The following TMPRSS3 variants were observed in gnomAD, a reference collection of about 807,000 sequenced individuals.
The protein encoded by TMPRSS3 is transmembrane serine protease 3, also known as transmembrane protease serine 3.
Under a neutral mutation model 59.6 loss-of-function variants are expected in TMPRSS3, and 55 were observed. The observed-to-expected ratio is 0.92, with a 90% confidence interval of 0.74 to 1.16. The LOEUF (loss-of-function observed/expected upper bound fraction) is 1.16, where lower values mean the gene tolerates loss of function less well. Among genes scored for constraint, TMPRSS3 ranks in the 50% most tolerant of loss-of-function variants. The pLI, the probability that TMPRSS3 is intolerant of heterozygous loss-of-function variation, is 0.00. For missense variants in TMPRSS3, 596 were observed against 579.4 expected (o/e 1.03, Z -0.29); for synonymous variants, 257 against 237.7 (o/e 1.08, Z -0.75).
Position 42,381,867 on chromosome 21 carries a change from A to G in TMPRSS3, c.952+198T>C, listed in dbSNP as rs77536616. On this transcript the variant is annotated intron_variant, in intron 9 of 12. Transcript: ENST00000644384. ...GATACAATTGAAAATCACTTGTCAT[A>G]CCAAGAGCTAGGAGCATCACAATTT... The G allele has an allele frequency of 4.7e-3, 3,540 of 747,386 alleles. 92 individuals carry two copies. The African/African-American group carries it at 0.052, about 11-fold the overall frequency. 46.3% of individuals were successfully genotyped at this position (747,386 alleles called of 1,614,324 possible).
In TMPRSS3 at chr21:42,380,594, T is replaced by C. The variant is rs2052510720; in HGVS notation, c.953-382A>G. On this transcript the variant is annotated intron_variant, in intron 9 of 12. Coordinates refer to ENST00000644384, the MANE Select transcript of TMPRSS3 (RefSeq NM_001256317.3). ...ATAGGTGTGGCTGTGTCCAGTAAAATGTCTATTTACCAAAACACGATGGGG... is the reference window on the plus strand; with the variant it reads ...ATAGGTGTGGCTGTGTCCAGTAAAACGTCTATTTACCAAAACACGATGGGG... Among the ~76,000 whole-genome samples, 4 of 152,302 alleles carry C rather than the reference T, an allele frequency of 2.6e-5. No individual in the cohort carries two copies. In the South Asian group the frequency reaches 8.3e-4, roughly 32 times the overall value.
At chr21:42,395,491 G>A (rs1568894486) in intron 1 of TMPRSS3, 23 bp from the exon 2 acceptor site, 4 of 1,285,832 alleles carry the variant, frequency 3.1e-6, no homozygotes, top group Non-Finnish European at 4.5e-6. Context: ...AGAACAGAAA[G>A]CATTTGTTCC....
chr21:42,383,314 C>T (rs1039284361), intron 7 of TMPRSS3, 116 bp from the exon 8 acceptor site: 1 of 1,105,572 alleles, frequency 9.0e-7, no homozygotes, highest in African/African-American at 1.5e-5. Context: ...GCTCCCAGAG[C>T]TCACAGCAGC....
intron 11 of TMPRSS3, among the ~76,000 whole-genome samples, 186 bp downstream of exon 11, chr21:42,376,355 C>T (rs994808105): frequency 1.4e-4 from 21 of 152,226 alleles, no homozygotes; most frequent in African/African-American, 4.1e-4. Context: ...CCAGCACCCA[C>T]GCAGAGCCAG....
intron 9 of TMPRSS3, among the ~76,000 whole-genome samples, chr21:42,381,136 C>T (rs148293864): frequency 5.9e-5 from 9 of 152,184 alleles, no homozygotes; most frequent in African/African-American, 2.2e-4. Flanking sequence ...TATGCTTTCC[C>T]TGCTTTCTTA....
intron 2 of TMPRSS3, among the ~76,000 whole-genome samples, chr21:42,392,399 C>T (rs1010209151): frequency 9.2e-5 from 14 of 152,228 alleles, no homozygotes; most frequent in South Asian, 4.2e-4. Flanking sequence ...AGCTGCACTT[C>T]GCAGATGTGG....
In TMPRSS3 at chr21:42,383,072, G is replaced by A. The variant is rs768140716; in HGVS notation, c.743C>T (p.Thr248Met). Residue 248 changes from threonine (T) to methionine (M), a missense_variant, in exon 8 of 13, where the codon ACG becomes ATG. Thr to Met is a moderately conservative substitution (Grantham distance 81, BLOSUM62 -1). Coordinates refer to ENST00000644384, the MANE Select transcript of TMPRSS3 (RefSeq NM_001256317.3). ...GYHLCGGSVITPLWIITAAHC... is the reference protein window; with the variant it reads ...GYHLCGGSVIMPLWIITAAHC... ...TGCAGCAGTGATGATCCACAGGGGCGTGATGACAGAGCCCCCGCACAGGTG... is the reference window on the plus strand; with the variant it reads ...TGCAGCAGTGATGATCCACAGGGGCATGATGACAGAGCCCCCGCACAGGTG... 19 of 1,614,046 alleles carry A rather than the reference G, an allele frequency of 1.2e-5. No individual in the cohort carries two copies. In the East Asian group the frequency reaches 2.5e-4, roughly 21 times the overall value.
rs149374252 is a variant in TMPRSS3 at position 42,373,873 on chromosome 21, G to T, written c.1345-1094C>A. On this transcript the variant is annotated intron_variant, in intron 12 of 12. Coordinates refer to ENST00000644384, the MANE Select transcript of TMPRSS3 (RefSeq NM_001256317.3). ...CTCCCCAGACTGATTTTGAACGTTTGTCTCCAGCTCACCCACGACAGCTGG... is the reference window on the plus strand; with the variant it reads ...CTCCCCAGACTGATTTTGAACGTTTTTCTCCAGCTCACCCACGACAGCTGG... Among the ~76,000 whole-genome samples, 569 of 152,270 alleles carry T rather than the reference G, an allele frequency of 3.7e-3. 2 individuals are homozygous for T. The highest frequency in any genetic ancestry group is 0.013 in the African/African-American group (542 of 41,554).
rs1262993529 is a variant in TMPRSS3, at chr21:42,372,618, CCT to C, written c.*142_*143del. 2.4e-6 allele frequency: 2 copies of C among 850,186 alleles called. No individual in the cohort carries two copies. The highest frequency in any genetic ancestry group is 4.1e-6 in the Non-Finnish European group (2 of 484,370). 52.7% of individuals were successfully genotyped at this position (850,186 alleles called of 1,614,324 possible). On this transcript the variant is annotated 3_prime_UTR_variant, in exon 13 of 13. Transcript: ENST00000644384. ...TGTGCTGGAATCAGATGGAAGGGTG[CCT>C]CTTTCGGGCCTGCTACTGGTGCCGG...
intron 6 of TMPRSS3, 104 bp from the exon 7 acceptor site, chr21:42,384,117 C>A: frequency 8.7e-7 from 1 of 1,148,518 alleles, no homozygotes. Flanking sequence ...AATTCTATTT[C>A]CCCCTCTTTG....
chr21:42,376,386 C>T (rs2052428514), intron 11 of TMPRSS3, among the ~76,000 whole-genome samples, 155 bp downstream of exon 11: 1 of 152,210 alleles, frequency 6.6e-6, no homozygotes, highest in Non-Finnish European at 1.5e-5. Flanking sequence ...AAACACAGGG[C>T]TGGCAGCCAG....
intron 2 of TMPRSS3, among the ~76,000 whole-genome samples, chr21:42,393,226 C>T (rs1020879886): frequency 2.7e-5 from 4 of 149,526 alleles, no homozygotes; most frequent in African/African-American, 7.5e-5. Context: ...GCCTGGGCGA[C>T]AGAGCGAGAC....
At chr21:42,387,507 A>G (rs1375595549) in intron 5 of TMPRSS3, among the ~76,000 whole-genome samples, 1 of 151,866 alleles carries the variant, frequency 6.6e-6, no homozygotes, top group African/African-American at 2.4e-5. Context: ...TCTGAATCTC[A>G]GTTGGTGTGG....
chr21:42,384,360 G>A (rs1461003678), intron 6 of TMPRSS3, among the ~76,000 whole-genome samples: 1 of 152,100 alleles, frequency 6.6e-6, no homozygotes, highest in Admixed American at 6.5e-5. Context: ...TCCACCTCCT[G>A]GCCCCTAGGG....
intron 6 of TMPRSS3, among the ~76,000 whole-genome samples, chr21:42,384,942 AAAAT>A (rs1012670624): frequency 6.6e-5 from 10 of 150,908 alleles, no homozygotes; most frequent in African/African-American, 2.2e-4. Flanking sequence ...GAAAACATGT[AAAAT>A]AAATAATGAA....
At chr21:42,372,930 A>G (rs1200699924) in intron 12 of TMPRSS3, 151 bp from the exon 13 acceptor site, 1 of 856,542 alleles carries the variant, frequency 1.2e-6, no homozygotes, top group Non-Finnish European at 1.9e-6. Context: ...TGGGGCTGCC[A>G]GCTCTGAGTG....
intron 12 of TMPRSS3, 70 bp from the exon 13 acceptor site, chr21:42,372,849 G>A (rs375495051): frequency 1.3e-5 from 21 of 1,582,052 alleles, no homozygotes; most frequent in African/African-American, 8.1e-5. Context: ...ATGACGGAGC[G>A]GGCACCTGCA....
At chr21:42,382,425 C>T (rs1416514719) in intron 8 of TMPRSS3, 191 bp from the exon 9 acceptor site, 13 of 628,010 alleles carry the variant, frequency 2.1e-5, no homozygotes, top group Non-Finnish European at 1.4e-5. Context: ...GACCCACACC[C>T]CATGTGTTTC....
chr21:42,389,861 C>A, intron 3 of TMPRSS3, 66 bp downstream of exon 3: 2 of 1,193,040 alleles, frequency 1.7e-6, no homozygotes, highest in South Asian at 1.2e-5. Flanking sequence ...TGAGAGGGGG[C>A]GCTCATGAAA....
Sources: allele counts gnomAD v4.1 joint callset (sites outside exome capture counted in the v4.1 genomes callset), GRCh38; gene constraint gnomAD v4.1.1; transcripts MANE v1.5; gene names NCBI Gene and HGNC (gene_info 2026-07-23, HGNC 2026-07-21).